MARCHF1: variants seen among roughly 807,000 people sequenced by gnomAD.
MARCHF1 encodes E3 ubiquitin-protein ligase MARCHF1.
Under a neutral mutation model 54.2 loss-of-function variants are expected in MARCHF1, and 40 were observed. The observed-to-expected ratio is 0.74, with a 90% CI of 0.57 to 0.96. The LOEUF is 0.96. Ranked by LOEUF, MARCHF1 falls within the 40% of genes least tolerant of loss-of-function variation. The pLI is 0.00. For synonymous variants in MARCHF1, 236 were observed against 236.3 expected (o/e 1.00, Z 0.01); for missense variants, 586 against 656.5 (o/e 0.89, Z 1.17).
At chr4:163,959,723 C>T (rs1481242204) in intron 3 of MARCHF1, among the ~76,000 whole-genome samples, 1 of 151,982 alleles carries the variant, frequency 6.6e-6, no homozygotes, top group Non-Finnish European at 1.5e-5. Context: ...TGAAAGACAA[C>T]CTAGTCAATA....
chr4:164,217,371 A>G (rs1415449455), intron 1 of MARCHF1, among the ~76,000 whole-genome samples: 1 of 152,218 alleles, frequency 6.6e-6, no homozygotes, highest in Admixed American at 6.5e-5. Flanking sequence ...AAGTTTTGAG[A>G]CATTGTTAAA....
intron 1 of MARCHF1, among the ~76,000 whole-genome samples, chr4:164,248,839 A>T (rs13141215): frequency 0.074 from 11,237 of 152,078 alleles, 488 homozygotes; most frequent in Middle Eastern, 0.14. Flanking sequence ...GACAGAAAAG[A>T]TCAAAAAAAC....
At chr4:163,800,912 GATA>G (rs1271923750) in intron 4 of MARCHF1, among the ~76,000 whole-genome samples, 3 of 152,008 alleles carry the variant, frequency 2.0e-5, no homozygotes, top group Non-Finnish European at 4.4e-5. Flanking sequence ...CGAATAAATA[GATA>G]ATAACTGAGA....
chr4:163,736,414 C>T (rs1440728205), intron 4 of MARCHF1, among the ~76,000 whole-genome samples: 3 of 152,018 alleles, frequency 2.0e-5, no homozygotes, highest in Non-Finnish European at 4.4e-5. Context: ...GATTTCATGT[C>T]GCTACTCAAA....
intron 1 of MARCHF1, among the ~76,000 whole-genome samples, chr4:164,225,780 G>A (rs1283529422): frequency 6.6e-6 from 1 of 152,014 alleles, no homozygotes; most frequent in East Asian, 1.9e-4. Flanking sequence ...CAGTTTGGCA[G>A]TTTCTTTTTA....
intron 2 of MARCHF1, among the ~76,000 whole-genome samples, chr4:164,030,688 G>A (rs1197541645): frequency 6.6e-6 from 1 of 152,144 alleles, no homozygotes; most frequent in Non-Finnish European, 1.5e-5. Context: ...GCAGAGTTAA[G>A]ACTTATAAAA....
chr4:164,055,867 G>C (rs937962805), intron 2 of MARCHF1, among the ~76,000 whole-genome samples: 1 of 152,136 alleles, frequency 6.6e-6, no homozygotes, highest in Non-Finnish European at 1.5e-5. Context: ...GATTTTATTA[G>C]ATTATTGCTT....
At chr4:164,029,581 G>C (rs913993186) in intron 2 of MARCHF1, among the ~76,000 whole-genome samples, 2 of 140,212 alleles carry the variant, frequency 1.4e-5, no homozygotes, top group Non-Finnish European at 3.2e-5. Context: ...ATATATATAT[G>C]TCATTTTTAA....
At chr4:164,023,710 C>A (rs1753713571) in intron 2 of MARCHF1, among the ~76,000 whole-genome samples, 1 of 152,172 alleles carries the variant, frequency 6.6e-6, no homozygotes, top group Non-Finnish European at 1.5e-5. Context: ...AGCCCACTAG[C>A]TTCCCAGCAG....
chr4:164,165,196 C>T (rs762649746), intron 1 of MARCHF1, among the ~76,000 whole-genome samples: 31 of 151,866 alleles, frequency 2.0e-4, no homozygotes, highest in Non-Finnish European at 3.7e-4. Context: ...TTGTTGTGGA[C>T]TGAATATTTG....
At chr4:163,643,902 G>C (rs915769072) in intron 5 of MARCHF1, among the ~76,000 whole-genome samples, 1 of 152,132 alleles carries the variant, frequency 6.6e-6, no homozygotes, top group Admixed American at 6.6e-5. Context: ...AGATAGAATG[G>C]AATGGAGATA....
At position 163,561,790 on chromosome 4, in the gene MARCHF1, A is replaced by G. The variant is rs1011019690; in HGVS notation, c.1192-16047T>C. Among the ~76,000 whole-genome samples, 4 of 151,860 alleles carry G rather than the reference A, an allele frequency of 2.6e-5. No individual in the cohort carries two copies. In the East Asian group the frequency reaches 7.7e-4, roughly 29 times the overall value. ...TTCTGTTTCCTATTATATGTTTTCC[A>G]TTGTTTGCTCATCGTACTGATGTTT... On this transcript the variant is annotated intron_variant, in intron 8 of 9. Coordinates refer to ENST00000514618, the MANE Select transcript of MARCHF1 (RefSeq NM_001394959.1).
intron 1 of MARCHF1, among the ~76,000 whole-genome samples, chr4:164,205,829 C>T (rs1487466149): frequency 6.6e-6 from 1 of 151,774 alleles, no homozygotes; most frequent in Non-Finnish European, 1.5e-5. Context: ...TGTAAGGTAG[C>T]CAAAGAAAGG....
intron 1 of MARCHF1, among the ~76,000 whole-genome samples, chr4:164,226,145 G>A (rs1732247170): frequency 6.6e-6 from 1 of 151,800 alleles, no homozygotes; most frequent in Admixed American, 6.6e-5. Flanking sequence ...AAAAGTTGAT[G>A]AAAATTAACA....
At chr4:163,930,628 CAG>C (rs1751651438) in intron 3 of MARCHF1, among the ~76,000 whole-genome samples, 1 of 152,022 alleles carries the variant, frequency 6.6e-6, no homozygotes. Flanking sequence ...TTTGAAAACA[CAG>C]AGTCTGTTTT....
rs1007343521 is a variant in MARCHF1 at position 163,527,465 on chromosome 4, T to TGTAA, written c.*1279_*1282dup. On this transcript the variant is annotated 3_prime_UTR_variant, in exon 10 of 10. Transcript: ENST00000514618. ...AAAATAGGTAATTTTATTCCCCTATTGTAAGTACTTCATAGTAACAATTTA... is the reference window on the plus strand; with the variant it reads ...AAAATAGGTAATTTTATTCCCCTATTGTAAGTAAGTACTTCATAGTAACAATTTA... 8 of 152,178 alleles carry TGTAA rather than the reference T, an allele frequency of 5.3e-5. No homozygotes were observed. Among genetic ancestry groups the TGTAA allele is most frequent in the South Asian group, 2.1e-4 (1 of 4,830 alleles). The allele number at this position is 152,178 out of a possible 1,614,324, so 9.4% of individuals were successfully genotyped here. A position where few individuals can be genotyped will look rare whatever the true frequency, so the allele number is the denominator to read the frequency against.
At chr4:163,560,625 C>T (rs1739438332) in intron 8 of MARCHF1, among the ~76,000 whole-genome samples, 1 of 152,078 alleles carries the variant, frequency 6.6e-6, no homozygotes, top group Admixed American at 6.6e-5. Context: ...AGTTTGACCT[C>T]TTCACAATAT....
At chr4:164,353,829 T>C (rs1256728972) in intron 1 of MARCHF1, among the ~76,000 whole-genome samples, 1 of 141,842 alleles carries the variant, frequency 7.1e-6, no homozygotes, top group Non-Finnish European at 1.5e-5. Flanking sequence ...CAGGAACTGG[T>C]TTTTTGAAAG....
intron 8 of MARCHF1, among the ~76,000 whole-genome samples, chr4:163,578,493 C>A (rs2110791553): frequency 6.6e-6 from 1 of 152,234 alleles, no homozygotes; most frequent in South Asian, 2.1e-4. Context: ...TGTATCAAAT[C>A]CTGCTCCGTA....
Sources: gnomAD v4.1 joint callset for allele counts (sites outside exome capture counted in the v4.1 genomes callset) on GRCh38, gnomAD v4.1.1 for gene constraint, MANE v1.5 for transcripts, NCBI Gene and HGNC (gene_info 2026-07-23, HGNC 2026-07-21) for gene names.